Variants in FBN2 observed in about 807,000 individuals in gnomAD.
The protein encoded by FBN2 is fibrillin 2, also known as fibrillin-2.
Under a neutral mutation model 355.6 loss-of-function variants are expected in FBN2, and 105 were observed. The observed-to-expected ratio is 0.30, with a 90% CI of 0.25 to 0.35. FBN2 has a LOEUF of 0.35. Ranked by LOEUF, FBN2 falls within the 10% of genes least tolerant of loss-of-function variation. The pLI, the probability that FBN2 is intolerant of heterozygous loss-of-function variation, is 1.00. For synonymous variants in FBN2, 1,350 were observed against 1,301.2 expected, an observed-to-expected ratio of 1.04 and a Z score of -0.81; for missense variants, 3,280 against 3,758.7, an observed-to-expected ratio of 0.87 and a Z score of 3.33.
Position 128,446,528 on chromosome 5 carries a change from C to T in FBN2, c.905G>A (p.Arg302Lys). 1 of 1,614,010 alleles carries T rather than the reference C, an allele frequency of 6.2e-7. No individual in the cohort carries two copies. Among genetic ancestry groups the T allele is most frequent in the Non-Finnish European group, 8.5e-7 (1 of 1,179,890 alleles). ...ACTCTGTTTGTGACCAGCAGGGCAT[C>T]TGCATTCAAAAGAGCCCACTGTATT... ...CINTVGSFECRCPAGHKQSET... is the reference protein window; with the variant it reads ...CINTVGSFECKCPAGHKQSET... Residue 302 changes from arginine (R) to lysine (K), a missense_variant, in exon 7 of 65, where the codon AGA (arginine) becomes AAA (lysine). Physicochemically the swap from Arg to Lys is conservative, Grantham distance 26 (BLOSUM62 2). Transcript: ENST00000262464.
chr5:128,523,648 T>A (rs1440477045), intron 4 of FBN2, among the ~76,000 whole-genome samples: 1 of 152,072 alleles, frequency 6.6e-6, no homozygotes. Context: ...AAAACTCTTA[T>A]CCTCAGCCCC....
At chr5:128,469,360 C>T (rs1182544078) in intron 5 of FBN2, among the ~76,000 whole-genome samples, 1 of 151,960 alleles carries the variant, frequency 6.6e-6, no homozygotes, top group Non-Finnish European at 1.5e-5. Flanking sequence ...GAAACCCTGT[C>T]TCTATTAAAA....
intron 19 of FBN2, among the ~76,000 whole-genome samples, chr5:128,359,131 A>C (rs187635807): frequency 6.6e-6 from 1 of 152,222 alleles, no homozygotes; most frequent in East Asian, 1.9e-4. Flanking sequence ...CAAAAAAAGT[A>C]AAATAAAGTT....
chr5:128,301,607 T>C, intron 46 of FBN2, 97 bp from the exon 47 acceptor site: 3 of 1,206,840 alleles, frequency 2.5e-6, no homozygotes, highest in Non-Finnish European at 3.7e-6. Context: ...GGCATGCATT[T>C]ATAAGAAATC....
intron 7 of FBN2, among the ~76,000 whole-genome samples, chr5:128,443,551 T>C (rs1753977772): frequency 6.6e-6 from 1 of 152,126 alleles, no homozygotes; most frequent in African/African-American, 2.4e-5. Flanking sequence ...ACAGAAAATA[T>C]CAATAACATA....
intron 34 of FBN2, among the ~76,000 whole-genome samples, chr5:128,322,201 T>C (rs926935196): frequency 1.3e-5 from 2 of 152,184 alleles, no homozygotes; most frequent in Admixed American, 6.5e-5. Flanking sequence ...GTCCGATAGA[T>C]AGATTACAAA....
At chr5:128,492,803 C>CAAAAAAAAAAAAAAAAAAA (rs578258680) in intron 5 of FBN2, among the ~76,000 whole-genome samples, 1 of 43,776 alleles carries the variant, frequency 2.3e-5, no homozygotes, top group Admixed American at 3.6e-4. Context: ...AACTCCATCT[C>CAAAAAAAAAAAAAAAAAAA]AAAAAAAAAA....
intron 5 of FBN2, among the ~76,000 whole-genome samples, chr5:128,472,683 C>T (rs1199204983): frequency 2.0e-5 from 3 of 151,604 alleles, no homozygotes; most frequent in Admixed American, 6.6e-5. Flanking sequence ...CCCAGCTACT[C>T]GGGAGGCTGA....
intron 34 of FBN2, among the ~76,000 whole-genome samples, chr5:128,324,085 T>G (rs184437241): frequency 6.6e-6 from 1 of 152,364 alleles, no homozygotes; most frequent in Non-Finnish European, 1.5e-5. Context: ...AGAGAGGTGT[T>G]TATAGTATTC....
intron 4 of FBN2, 56 bp from the exon 5 acceptor site, chr5:128,519,424 A>G (rs772151404): frequency 4.0e-6 from 5 of 1,261,440 alleles, no homozygotes; most frequent in South Asian, 1.2e-5. Flanking sequence ...AGCACAATAT[A>G]GTAGTGCAGT....
At chr5:128,400,251 A>T (rs1041620607) in intron 8 of FBN2, among the ~76,000 whole-genome samples, 2 of 152,036 alleles carry the variant, frequency 1.3e-5, no homozygotes, top group African/African-American at 4.8e-5. Flanking sequence ...AATATTTAGA[A>T]ATAGACCACA....
At chr5:128,288,039 T>C (rs1339077792) in intron 53 of FBN2, among the ~76,000 whole-genome samples, 1 of 152,084 alleles carries the variant, frequency 6.6e-6, no homozygotes, top group Non-Finnish European at 1.5e-5. Context: ...CCTACCAGAG[T>C]TGACTGTCTG....
intron 15 of FBN2, among the ~76,000 whole-genome samples, chr5:128,371,470 C>A (rs1218302990): frequency 6.7e-6 from 1 of 150,270 alleles, no homozygotes; most frequent in Non-Finnish European, 1.5e-5. Flanking sequence ...TTCCTTCCTT[C>A]CTTCCTTTCC....
intron 33 of FBN2, 107 bp downstream of exon 33, chr5:128,330,466 G>T: frequency 1.7e-6 from 2 of 1,150,374 alleles, no homozygotes; most frequent in South Asian, 2.6e-5. Context: ...TATAAAAAAA[G>T]AGGTAGTTAC....
At chr5:128,437,483 C>T (rs1753798359) in intron 7 of FBN2, among the ~76,000 whole-genome samples, 3 of 152,014 alleles carry the variant, frequency 2.0e-5, no homozygotes, top group Admixed American at 2.0e-4. Context: ...TAAAAATTAA[C>T]AAGAAAATGT....
At chr5:128,402,195 T>TAA (rs1752815079) in intron 8 of FBN2, among the ~76,000 whole-genome samples, 1 of 152,098 alleles carries the variant, frequency 6.6e-6, no homozygotes, top group African/African-American at 2.4e-5. Flanking sequence ...AAGAGGCACC[T>TAA]GTTAGAAACA....
intron 5 of FBN2, among the ~76,000 whole-genome samples, chr5:128,518,488 T>TG (rs1315044659): frequency 6.6e-6 from 1 of 152,110 alleles, no homozygotes; most frequent in Non-Finnish European, 1.5e-5. Context: ...CATGTGACTC[T>TG]GGGGAAGCTT....
rs1434925470 is a variant in FBN2, at chr5:128,276,175, T to G, written c.7472-15A>C. 1.9e-6 allele frequency: 3 copies of G among 1,612,920 alleles called. No homozygotes were observed. Among genetic ancestry groups the G allele is most frequent in the Middle Eastern group, 3.3e-4 (2 of 6,052 alleles). On this transcript the variant is annotated splice_polypyrimidine_tract_variant and intron_variant, in intron 58 of 64. Coordinates refer to ENST00000262464, the MANE Select transcript of FBN2 (RefSeq NM_001999.4). ...TTCATCAAGGTCTAAGTAAAAGTGA[T>G]GTGAAGATTAAATTACTGGTTAAAA...
chr5:128,325,817 T>C (rs1743777719), intron 34 of FBN2, among the ~76,000 whole-genome samples: 1 of 152,176 alleles, frequency 6.6e-6, no homozygotes, highest in Non-Finnish European at 1.5e-5. Flanking sequence ...TACATTTTCA[T>C]CTGTATGTCC....
Sources: gnomAD v4.1 joint callset for allele counts (sites outside exome capture counted in the v4.1 genomes callset) on GRCh38, gnomAD v4.1.1 for gene constraint, MANE v1.5 for transcripts, NCBI Gene and HGNC (gene_info 2026-07-23, HGNC 2026-07-21) for gene names.